PRKCE: variants seen among roughly 807,000 people sequenced by gnomAD.
PRKCE encodes protein kinase C epsilon, also known as protein kinase C epsilon type.
PRKCE carries 16 observed loss-of-function variants against 85.4 expected under a neutral mutation model. The observed-to-expected ratio is 0.19, with a 90% CI of 0.13 to 0.28. The LOEUF (loss-of-function observed/expected upper bound fraction) is 0.28. PRKCE is among the 10% of genes least tolerant of loss of function. The probability of loss-of-function intolerance (pLI) is 1.00; values close to 1 mark genes in which losing one functional copy is unlikely to be tolerated. For synonymous variants in PRKCE, 388 were observed against 371.5 expected (o/e 1.04, Z -0.51); for missense variants, 573 against 975.2 (o/e 0.59, Z 5.49).
intron 1 of PRKCE, among the ~76,000 whole-genome samples, chr2:45,747,773 C>A (rs1300857042): frequency 6.6e-6 from 1 of 152,130 alleles, no homozygotes; most frequent in African/African-American, 2.4e-5. Flanking sequence ...TTTTAAGAAA[C>A]CCTCTTACTG....
chr2:45,927,178 TG>T (rs1698695795), intron 2 of PRKCE, among the ~76,000 whole-genome samples: 1 of 151,982 alleles, frequency 6.6e-6, no homozygotes, highest in Non-Finnish European at 1.5e-5. Context: ...AAGTATAGAA[TG>T]TGTATAGTCC....
rs186056163 is a variant in PRKCE at position 45,890,404 on chromosome 2, G to A, written c.412+47341G>A. Among the ~76,000 whole-genome samples the A allele has an allele frequency of 3.8e-3, 575 of 149,504 alleles. 4 individuals carry two copies. Among genetic ancestry groups the A allele is most frequent in the Middle Eastern group, 7.0e-3 (2 of 284 alleles). On this transcript the variant is annotated intron_variant, in intron 2 of 14. Transcript: ENST00000306156. ...TCAAAACTTTTGTGTGTGTGAGACA[G>A]AGTCTCACTCTGTCTCCCAGACTGG...
chr2:46,144,980 T>C, intron 11 of PRKCE, 113 bp from the exon 12 acceptor site: 1 of 1,490,044 alleles, frequency 6.7e-7, no homozygotes, highest in Non-Finnish European at 9.1e-7. Context: ...CACAAGCTTC[T>C]TTCAGGACTT....
In PRKCE at chr2:46,062,019, C is replaced by T. The variant is rs370138482; in HGVS notation, c.1438-24189C>T. Among the ~76,000 whole-genome samples the T allele has an allele frequency of 1.2e-4, 18 of 152,090 alleles. No homozygotes were observed. In the East Asian group the frequency reaches 3.3e-3, roughly 28 times the overall value. On this transcript the variant is annotated intron_variant, in intron 10 of 14. Coordinates refer to ENST00000306156, the MANE Select transcript of PRKCE (RefSeq NM_005400.3). ...CTGGGATTACAGGCAAGTGCCACCA[C>T]GCCCGGCTAATTTTGTACTTTTAGT...
intron 2 of PRKCE, among the ~76,000 whole-genome samples, chr2:45,889,552 A>G (rs1259478087): frequency 8.0e-6 from 1 of 125,650 alleles, no homozygotes; most frequent in African/African-American, 3.0e-5. Context: ...ATTTAAATGC[A>G]GTACTGGCTG....
intron 11 of PRKCE, among the ~76,000 whole-genome samples, chr2:46,092,914 C>A (rs1325252872): frequency 6.6e-6 from 1 of 152,190 alleles, no homozygotes; most frequent in Non-Finnish European, 1.5e-5. Flanking sequence ...ACTGGAAGGT[C>A]TAACGTGTAG....
intron 1 of PRKCE, among the ~76,000 whole-genome samples, chr2:45,788,544 C>T (rs962741863): frequency 6.6e-6 from 1 of 152,186 alleles, no homozygotes; most frequent in African/African-American, 2.4e-5. Context: ...TACACAGCCT[C>T]TCTCATCCTT....
chr2:45,690,780 T>A, intron 1 of PRKCE, among the ~76,000 whole-genome samples: 1 of 152,154 alleles, frequency 6.6e-6, no homozygotes, highest in Non-Finnish European at 1.5e-5. Flanking sequence ...AAGAGACCAA[T>A]GTACTTTTTT....
intron 1 of PRKCE, among the ~76,000 whole-genome samples, chr2:45,775,335 C>G: frequency 6.6e-6 from 1 of 152,134 alleles, no homozygotes. Context: ...GGAAAGGGCA[C>G]AAGGGAAGGT....
chr2:45,717,066 GA>G (rs1680188530), intron 1 of PRKCE, among the ~76,000 whole-genome samples: 1 of 151,958 alleles, frequency 6.6e-6, no homozygotes, highest in African/African-American at 2.4e-5. Context: ...TTTGGGTGGG[GA>G]CACAGCCAAA....
At chr2:45,932,955 A>T (rs1699151494) in intron 2 of PRKCE, among the ~76,000 whole-genome samples, 1 of 152,184 alleles carries the variant, frequency 6.6e-6, no homozygotes, top group Non-Finnish European at 1.5e-5. Flanking sequence ...CAAGTGTTAG[A>T]ATTTCTTCTT....
rs115186685 is a variant in PRKCE at position 46,028,556 on chromosome 2, C to T, written c.1437+18039C>T. ...AGCACTCACTGTGCTGCCCTCCCCA[C>T]CTGCCACCACTGGTTGAAAATAACA... On this transcript the variant is annotated intron_variant, in intron 10 of 14. Transcript: ENST00000306156. Among the ~76,000 whole-genome samples the T allele has an allele frequency of 2.3e-3, 352 of 152,326 alleles. 1 individual carries two copies. The highest frequency in any genetic ancestry group is 3.8e-3 in the Non-Finnish European group (257 of 68,024).
chr2:46,020,267 C>T (rs537805330), intron 10 of PRKCE, among the ~76,000 whole-genome samples: 6 of 152,220 alleles, frequency 3.9e-5, no homozygotes, highest in African/African-American at 1.4e-4. Context: ...GTACACGCAC[C>T]ACCTACTCCA....
intron 10 of PRKCE, among the ~76,000 whole-genome samples, chr2:46,051,009 C>T (rs1428717059): frequency 1.3e-5 from 2 of 152,132 alleles, no homozygotes; most frequent in South Asian, 4.1e-4. Flanking sequence ...CTCCCTCACC[C>T]CCAAATGAGA....
chr2:46,024,330 C>T (rs1277427804), intron 10 of PRKCE, among the ~76,000 whole-genome samples: 1 of 147,108 alleles, frequency 6.8e-6, no homozygotes, highest in Admixed American at 6.8e-5. Flanking sequence ...TTTGCAGAGG[C>T]AATAGGAAGT....
intron 1 of PRKCE, among the ~76,000 whole-genome samples, chr2:45,731,144 C>G (rs1470909508): frequency 6.6e-6 from 1 of 152,136 alleles, no homozygotes; most frequent in Non-Finnish European, 1.5e-5. Flanking sequence ...CTGTTGATTT[C>G]TGTTATTAGT....
intron 6 of PRKCE, among the ~76,000 whole-genome samples, chr2:45,989,926 A>G: frequency 6.6e-6 from 1 of 152,128 alleles, no homozygotes; most frequent in South Asian, 2.1e-4. Flanking sequence ...TCATCCTCAG[A>G]CTTCTAAAAA....
intron 14 of PRKCE, among the ~76,000 whole-genome samples, chr2:46,170,550 T>C (rs965560221): frequency 3.3e-5 from 5 of 152,316 alleles, no homozygotes; most frequent in African/African-American, 1.2e-4. Flanking sequence ...TCCTGGCACA[T>C]AGTAGGTATT....
At chr2:46,093,467 C>T (rs1236439741) in intron 11 of PRKCE, among the ~76,000 whole-genome samples, 1 of 151,290 alleles carries the variant, frequency 6.6e-6, no homozygotes, top group Non-Finnish European at 1.5e-5. Flanking sequence ...ACATTCAACT[C>T]GCAGCTGGGT....
Sources: gnomAD v4.1 joint callset for allele counts (sites outside exome capture counted in the v4.1 genomes callset) on GRCh38, gnomAD v4.1.1 for gene constraint, MANE v1.5 for transcripts, NCBI Gene and HGNC (gene_info 2026-07-23, HGNC 2026-07-21) for gene names.